PLBD1: variants seen among roughly 807,000 people sequenced by gnomAD.
The protein encoded by PLBD1 is lysosomal leucine aminopeptidase.
In PLBD1, 60 loss-of-function variants were observed where a neutral mutation model predicts 63.0. The observed-to-expected ratio is 0.95, with a 90% CI of 0.77 to 1.18. PLBD1 has a LOEUF of 1.18. PLBD1 is among the 50% of genes most tolerant of loss of function. The pLI is 0.00. For missense variants in PLBD1, 598 were observed against 677.9 expected (o/e 0.88, Z 1.31); for synonymous variants, 262 against 248.0 (o/e 1.06, Z -0.53).
chr12:14,541,154 A>G (rs901865376), intron 3 of PLBD1, among the ~76,000 whole-genome samples: 20 of 152,344 alleles, frequency 1.3e-4, no homozygotes, highest in Non-Finnish European at 2.1e-4. Context: ...TAAGTGTGAT[A>G]GTGACCTAAC....
At chr12:14,540,675 T>G in intron 4 of PLBD1, 89 bp downstream of exon 4, 11 of 1,316,386 alleles carry the variant, frequency 8.4e-6, no homozygotes, top group Non-Finnish European at 1.1e-5. Flanking sequence ...TACTTTGACC[T>G]GCTTCTAAAT....
intron 2 of PLBD1, among the ~76,000 whole-genome samples, chr12:14,543,659 A>C (rs188409604): frequency 1.3e-5 from 2 of 152,334 alleles, no homozygotes; most frequent in African/African-American, 4.8e-5. Flanking sequence ...TGGGAGGTGG[A>C]GGTTGCAGTG....
intron 2 of PLBD1, among the ~76,000 whole-genome samples, chr12:14,552,090 C>T (rs113997702): frequency 1.7e-4 from 26 of 152,250 alleles, no homozygotes; most frequent in African/African-American, 6.0e-4. Flanking sequence ...ATCTCCAGTA[C>T]TCAAAATAGA....
At chr12:14,511,231 T>G (rs1415021873) in intron 8 of PLBD1, 29 bp downstream of exon 8, 1 of 1,531,220 alleles carries the variant, frequency 6.5e-7, no homozygotes, top group Admixed American at 2.0e-5. Flanking sequence ...ACTCATCAGG[T>G]TTTAAGACTT....
chr12:14,544,997 T>C (rs1945606342), intron 2 of PLBD1, among the ~76,000 whole-genome samples: 2 of 152,132 alleles, frequency 1.3e-5, no homozygotes, highest in Admixed American at 6.5e-5. Context: ...GGCATTTTTC[T>C]TTCCCCCCTC....
chr12:14,524,600 G>A (rs771694380), intron 6 of PLBD1, among the ~76,000 whole-genome samples: 15 of 152,232 alleles, frequency 9.9e-5, no homozygotes, highest in South Asian at 2.1e-4. Context: ...GATTTTGAAC[G>A]TTCTTGCCAT....
At position 14,505,311 on chromosome 12, in the gene PLBD1, A is replaced by G. The variant is rs148614853; in HGVS notation, c.1479+851T>C. On this transcript the variant is annotated intron_variant, in intron 10 of 10. Transcript: ENST00000240617. ...GAGCCAAAGACAGAATACACACTTT[A>G]CCCTGACAGGTTTCTTCCAGAATTT... Among the ~76,000 whole-genome samples, 648 of 152,176 alleles carry G rather than the reference A, an allele frequency of 4.3e-3. 10 individuals carry two copies. The highest frequency in any genetic ancestry group is 0.015 in the African/African-American group (623 of 41,502).
intron 6 of PLBD1, among the ~76,000 whole-genome samples, chr12:14,534,947 C>G (rs2136919799): frequency 1.3e-5 from 2 of 152,306 alleles, no homozygotes; most frequent in Middle Eastern, 6.8e-3. Flanking sequence ...TCCCGTCCAT[C>G]TCTACTTTTT....
chr12:14,534,361 T>C (rs1218655348), intron 6 of PLBD1, among the ~76,000 whole-genome samples: 1 of 152,174 alleles, frequency 6.6e-6, no homozygotes, highest in Non-Finnish European at 1.5e-5. Context: ...GGCTAACACA[T>C]GCTAACACAC....
chr12:14,548,281 A>G (rs540689546), intron 2 of PLBD1, among the ~76,000 whole-genome samples: 27 of 151,744 alleles, frequency 1.8e-4, no homozygotes, highest in African/African-American at 6.5e-4. Flanking sequence ...GCATGGTGAA[A>G]CCCTGTCTCT....
chr12:14,541,012 TA>T, intron 3 of PLBD1, 110 bp from the exon 4 acceptor site: 1 of 1,183,204 alleles, frequency 8.5e-7, no homozygotes, highest in Non-Finnish European at 1.1e-6. Flanking sequence ...TAATGTGATT[TA>T]AATTCTAGAT....
chr12:14,549,171 C>A (rs945410839), intron 2 of PLBD1, among the ~76,000 whole-genome samples: 5 of 152,156 alleles, frequency 3.3e-5, no homozygotes, highest in African/African-American at 9.7e-5. Context: ...AGAACTGGAA[C>A]AATAGAATTC....
chr12:14,565,902 C>A (rs960212007), intron 1 of PLBD1, among the ~76,000 whole-genome samples: 2 of 152,152 alleles, frequency 1.3e-5, no homozygotes, highest in African/African-American at 4.8e-5. Flanking sequence ...TACTTTCTGC[C>A]TTGGCTCCAG....
chr12:14,549,767 G>C (rs1945642139), intron 2 of PLBD1, among the ~76,000 whole-genome samples: 1 of 152,036 alleles, frequency 6.6e-6, no homozygotes, highest in Non-Finnish European at 1.5e-5. Context: ...CTCCTGGTTG[G>C]AGTGATTCTC....
chr12:14,558,974 C>A (rs1945727468), intron 1 of PLBD1, among the ~76,000 whole-genome samples: 1 of 152,186 alleles, frequency 6.6e-6, no homozygotes, highest in African/African-American at 2.4e-5. Context: ...AGTTTTCACT[C>A]CACTCCAACC....
At chr12:14,552,593 CTT>C (rs1358060480) in intron 2 of PLBD1, among the ~76,000 whole-genome samples, 1 of 152,164 alleles carries the variant, frequency 6.6e-6, no homozygotes, top group African/African-American at 2.4e-5. Flanking sequence ...GATGAAATGA[CTT>C]TGCTGTCTTT....
chr12:14,516,544 G>T lies in PLBD1; in HGVS notation c.845-4833C>A, dbSNP rs140027368. The stretch of plus-strand genomic sequence containing the variant: ...ACTGCATTTTTAGCAAGCTCCATAG[G>T]AAAAATTGGGGAACATCTAAGTTTA... On this transcript the variant is annotated intron_variant, in intron 6 of 10. Coordinates refer to ENST00000240617, the MANE Select transcript of PLBD1 (RefSeq NM_024829.6). Among the ~76,000 whole-genome samples the T allele has an allele frequency of 5.9e-5, 9 of 152,188 alleles. No individual in the cohort carries two copies. The East Asian group carries it at 1.4e-3, about 23-fold the overall frequency.
At position 14,540,692 on chromosome 12, in the gene PLBD1, GTTATT is replaced by G; in HGVS notation, c.558+67_558+71del. 5.1e-6 allele frequency: 7 copies of G among 1,383,938 alleles called. No homozygotes were observed. The Admixed American group carries it at 7.0e-5, about 14-fold the overall frequency. The allele number at this position is 1,383,938 out of a possible 1,614,324, so 85.7% of individuals were successfully genotyped here. ...CTTTGACCTGCTTCTAAATTGGAAT[GTTATT>G]TTAAAGATAACATTCAATATTCTTA... On this transcript the variant is annotated intron_variant, in intron 4 of 10. Transcript: ENST00000240617.
intron 5 of PLBD1, 91 bp downstream of exon 5, chr12:14,536,479 C>T: frequency 7.1e-7 from 1 of 1,404,266 alleles, no homozygotes; most frequent in African/African-American, 1.4e-5. Flanking sequence ...ACAGTTATAG[C>T]CAGGGGTGAT....
Sources: gnomAD v4.1 joint callset for allele counts (sites outside exome capture counted in the v4.1 genomes callset) on GRCh38, gnomAD v4.1.1 for gene constraint, MANE v1.5 for transcripts, NCBI Gene and HGNC (gene_info 2026-07-23, HGNC 2026-07-21) for gene names.